RARB: variants seen among roughly 807,000 people sequenced by gnomAD.
RARB encodes HBV-activated protein.
In RARB, 17 loss-of-function variants were observed where a neutral mutation model predicts 51.9. The observed-to-expected ratio is 0.33, with a 90% CI of 0.22 to 0.49. RARB has a LOEUF of 0.49. Among genes scored for constraint, RARB ranks in the 20% least tolerant of loss-of-function variants. RARB has a pLI of 0.99. For synonymous variants in RARB, 215 were observed against 195.4 expected, an observed-to-expected ratio of 1.10 and a Z score of -0.84; for missense variants, 369 against 550.8, an observed-to-expected ratio of 0.67 and a Z score of 3.30.
intron 5 of RARB, chr3:25,260,079 G>A (rs1702960033): frequency 1.3e-6 from 1 of 784,812 alleles, no homozygotes; most frequent in Non-Finnish European, 1.5e-6. Flanking sequence ...TTGGGCACAA[G>A]GCCCAGATGA....
At chr3:25,385,996 C>T (rs1036940310) in intron 5 of RARB, among the ~76,000 whole-genome samples, 6 of 152,254 alleles carry the variant, frequency 3.9e-5, no homozygotes, top group South Asian at 4.1e-4. Context: ...TCCGTCAGTC[C>T]GTGAGCTTAC....
chr3:25,279,523 G>T (rs983444756), intron 5 of RARB, among the ~76,000 whole-genome samples: 1 of 151,650 alleles, frequency 6.6e-6, no homozygotes, highest in African/African-American at 2.4e-5. Context: ...TCTTTTAATT[G>T]TACAAAAATA....
At chr3:24,903,084 A>G (rs543645877) in intron 2 of RARB, among the ~76,000 whole-genome samples, 1 of 152,246 alleles carries the variant, frequency 6.6e-6, no homozygotes, top group East Asian at 1.9e-4. Context: ...TATAGAATTT[A>G]TGAAAAATCT....
chr3:25,004,071 C>T (rs1272253736), intron 2 of RARB, among the ~76,000 whole-genome samples: 2 of 152,076 alleles, frequency 1.3e-5, no homozygotes, highest in African/African-American at 2.4e-5. Flanking sequence ...GTACAAGTTC[C>T]TTTATGTGGA....
At chr3:25,555,400 G>A (rs1365194110) in intron 3 of RARB, 1 of 151,896 alleles carries the variant, frequency 6.6e-6, no homozygotes, top group African/African-American at 2.4e-5. Flanking sequence ...CATTATATTG[G>A]ATATGCATTT....
chr3:25,232,350 C>T (rs958411616), intron 5 of RARB, among the ~76,000 whole-genome samples: 4 of 152,042 alleles, frequency 2.6e-5, no homozygotes, highest in Non-Finnish European at 5.9e-5. Context: ...AGCTTGTTGG[C>T]ATTTACAACC....
At chr3:25,505,018 A>C (rs1697515240) in intron 3 of RARB, among the ~76,000 whole-genome samples, 1 of 152,056 alleles carries the variant, frequency 6.6e-6, no homozygotes, top group South Asian at 2.1e-4. Flanking sequence ...ACCTCAGGTG[A>C]CCCACCCACT....
chr3:25,185,885 A>G (rs1308069090), intron 5 of RARB, among the ~76,000 whole-genome samples: 1 of 152,162 alleles, frequency 6.6e-6, no homozygotes, highest in Non-Finnish European at 1.5e-5. Flanking sequence ...CATGTAATAG[A>G]ATTATATATA....
chr3:25,031,252 A>G (rs1460204179), intron 2 of RARB, among the ~76,000 whole-genome samples: 2 of 151,984 alleles, frequency 1.3e-5, no homozygotes, highest in Non-Finnish European at 2.9e-5. Flanking sequence ...CTCCCCATAC[A>G]CCCATATTGA....
At chr3:25,511,942 A>G (rs1043369963) in intron 3 of RARB, among the ~76,000 whole-genome samples, 1 of 152,228 alleles carries the variant, frequency 6.6e-6, no homozygotes, top group Non-Finnish European at 1.5e-5. Context: ...GGGATGCAGT[A>G]TGCTGCTTAA....
chr3:25,559,235 T>C (rs913116294), intron 3 of RARB, among the ~76,000 whole-genome samples: 1 of 152,184 alleles, frequency 6.6e-6, no homozygotes, highest in South Asian at 2.1e-4. Flanking sequence ...AAATATATGT[T>C]GAACATTCCT....
intron 1 of RARB, among the ~76,000 whole-genome samples, chr3:24,840,741 G>GT (rs1449712469): frequency 5.3e-5 from 4 of 75,794 alleles, no homozygotes; most frequent in Non-Finnish European, 7.4e-5. Context: ...ATGAGTAAGA[G>GT]TAAAAAAAAA....
At chr3:25,026,146 T>G (rs1697743921) in intron 2 of RARB, among the ~76,000 whole-genome samples, 1 of 152,112 alleles carries the variant, frequency 6.6e-6, no homozygotes, top group South Asian at 2.1e-4. Flanking sequence ...TACCTGCACT[T>G]TTGCATAAAG....
At chr3:24,980,374 T>C (rs76100464) in intron 2 of RARB, among the ~76,000 whole-genome samples, 1 of 152,330 alleles carries the variant, frequency 6.6e-6, no homozygotes, top group African/African-American at 2.4e-5. Context: ...TTTTCTAACT[T>C]GGTTCCATTC....
At chr3:24,924,689 T>G (rs985693531) in intron 2 of RARB, among the ~76,000 whole-genome samples, 1 of 152,154 alleles carries the variant, frequency 6.6e-6, no homozygotes, top group Non-Finnish European at 1.5e-5. Flanking sequence ...CTTTTGAATA[T>G]GCCTGAATGT....
intron 2 of RARB, among the ~76,000 whole-genome samples, chr3:24,957,610 G>A (rs533759530): frequency 6.6e-6 from 1 of 152,322 alleles, no homozygotes; most frequent in African/African-American, 2.4e-5. Context: ...TTATCCAGAT[G>A]CTTTGAGCCT....
At chr3:25,382,079 C>CT (rs1472115049) in intron 5 of RARB, among the ~76,000 whole-genome samples, 1 of 152,092 alleles carries the variant, frequency 6.6e-6, no homozygotes, top group African/African-American at 2.4e-5. Flanking sequence ...CATATCATGT[C>CT]TTTTTTTGGC....
At chr3:24,853,144 C>A (rs2125337227) in intron 1 of RARB, among the ~76,000 whole-genome samples, 1 of 147,234 alleles carries the variant, frequency 6.8e-6, no homozygotes, top group African/African-American at 2.6e-5. Flanking sequence ...GAAACCCTGT[C>A]TTTACTAAAA....
At chr3:25,070,575 C>A (rs1213335015) in intron 3 of RARB, among the ~76,000 whole-genome samples, 1 of 152,090 alleles carries the variant, frequency 6.6e-6, no homozygotes, top group Non-Finnish European at 1.5e-5. Flanking sequence ...ATAGTACTTA[C>A]AATATACAAA....
Sources: gnomAD v4.1 joint callset for allele counts (sites outside exome capture counted in the v4.1 genomes callset) on GRCh38, gnomAD v4.1.1 for gene constraint, MANE v1.5 for transcripts, NCBI Gene and HGNC (gene_info 2026-07-23, HGNC 2026-07-21) for gene names.